ZNF777: variants seen among roughly 807,000 people sequenced by gnomAD.
The protein encoded by ZNF777 is zinc finger protein 777.
Under a neutral mutation model 72.1 loss-of-function variants are expected in ZNF777, and 7 were observed. That is an observed-to-expected ratio of 0.10 (90% CI 0.06 to 0.18). ZNF777 has a LOEUF of 0.18. Ranked by LOEUF, ZNF777 falls within the 10% of genes least tolerant of loss-of-function variation. ZNF777 has a pLI of 1.00. For missense variants in ZNF777, 828 were observed against 1,128.6 expected (o/e 0.73, Z 3.82); for synonymous variants, 545 against 483.5 (o/e 1.13, Z -1.67).
chr7:149,432,241 G>T lies in ZNF777; in HGVS notation c.2031C>A (p.Ile677=). 6.2e-7 allele frequency: 1 copy of T among 1,608,000 alleles called. No individual in the cohort carries two copies. The highest frequency in any genetic ancestry group is 8.5e-7 in the Non-Finnish European group (1 of 1,179,626). Reference sequence around the variant, plus strand: ...GCACGCGCTGATGGATCACCAAGCTGATGTGCAGGCGGAAGCTCTTCTTGC... The same window carrying T: ...GCACGCGCTGATGGATCACCAAGCTTATGTGCAGGCGGAAGCTCTTCTTGC... ...PECKKSFRLH[I]SLVIHQRVHA... is the part of the protein sequence containing the mutation. Residue 677 remains isoleucine (I), a synonymous_variant, in exon 6 of 6, where the codon ATC becomes ATA. Coordinates refer to ENST00000247930, the MANE Select transcript of ZNF777 (RefSeq NM_015694.3).
At chr7:149,452,632 CAAA>C (rs869183800) in intron 3 of ZNF777, among the ~76,000 whole-genome samples, 10 of 73,010 alleles carry the variant, frequency 1.4e-4, no homozygotes, top group African/African-American at 3.4e-4. Context: ...GACTCTGTCT[CAAA>C]AAAAAAAAAA....
rs943943588 is a variant in ZNF777 at position 149,453,602 on chromosome 7, C to T, written c.973+509G>A. Among the ~76,000 whole-genome samples, 5 of 152,166 alleles carry T rather than the reference C, an allele frequency of 3.3e-5. No homozygotes were observed. In the East Asian group the frequency reaches 7.7e-4, roughly 23 times the overall value. The stretch of plus-strand genomic sequence containing the variant: ...AGCATTTAACCTCCCTGATCACAGC[C>T]TCAGTGTTCAGGCACCTGAATCATC... On this transcript the variant is annotated intron_variant, in intron 3 of 5. Coordinates refer to ENST00000247930, the MANE Select transcript of ZNF777 (RefSeq NM_015694.3).
intron 4 of ZNF777, among the ~76,000 whole-genome samples, chr7:149,437,056 T>C (rs935618083): frequency 6.6e-6 from 1 of 152,160 alleles, no homozygotes; most frequent in Non-Finnish European, 1.5e-5. Context: ...CAAAGTTTGT[T>C]TTCCATGAGC....
At chr7:149,448,609 A>ATG (rs1202276183) in intron 4 of ZNF777, among the ~76,000 whole-genome samples, 27 of 134,636 alleles carry the variant, frequency 2.0e-4, no homozygotes, top group Non-Finnish European at 3.4e-4. Flanking sequence ...ATATATATAT[A>ATG]TAGTAAAGAA....
Position 149,432,284 on chromosome 7 carries a change from G to T in ZNF777, c.1988C>A (p.Pro663His). Residue 663 changes from proline (P) to histidine (H), a missense_variant, in exon 6 of 6, where the codon CCC (proline) becomes CAC (histidine). By Grantham distance (77) the Pro-to-His change is moderately conservative. Transcript: ENST00000247930. ...KHQITHTGER[P>H]YTCPECKKSF... Reference sequence around the variant, plus strand: ...CTTCTTGCACTCGGGGCACGTGTAGGGCCGCTCACCCGTGTGCGTGATCTG... The same window carrying T: ...CTTCTTGCACTCGGGGCACGTGTAGTGCCGCTCACCCGTGTGCGTGATCTG... The T allele has an allele frequency of 6.2e-7, 1 of 1,610,336 alleles. No homozygotes were observed. Among genetic ancestry groups the T allele is most frequent in the Non-Finnish European group, 8.5e-7 (1 of 1,179,944 alleles).
At chr7:149,458,089 G>A (rs1799867318) in intron 1 of ZNF777, among the ~76,000 whole-genome samples, 1 of 152,198 alleles carries the variant, frequency 6.6e-6, no homozygotes, top group African/African-American at 2.4e-5. Context: ...TGGGAGAGGT[G>A]GGGAGGAAGG....
At chr7:149,439,346 A>C (rs1183601702) in intron 4 of ZNF777, among the ~76,000 whole-genome samples, 2 of 152,164 alleles carry the variant, frequency 1.3e-5, no homozygotes, top group Non-Finnish European at 2.9e-5. Context: ...ACACCTTAAA[A>C]TGATTTTTAA....
intron 5 of ZNF777, among the ~76,000 whole-genome samples, chr7:149,433,462 CCT>C (rs1217985981): frequency 2.0e-5 from 3 of 152,200 alleles, no homozygotes; most frequent in African/African-American, 7.2e-5. Context: ...AGTCTTTGCC[CCT>C]CTGAGGACAT....
chr7:149,432,381 C>T lies in ZNF777; in HGVS notation c.1891G>A (p.Gly631Ser), dbSNP rs780455280. 10 of 1,612,944 alleles carry T rather than the reference C, an allele frequency of 6.2e-6. No homozygotes were observed. The highest frequency in any genetic ancestry group is 8.5e-6 in the Non-Finnish European group (10 of 1,179,864). Residue 631 changes from glycine to serine, a missense_variant, in exon 6 of 6, where the codon GGT becomes AGT. Gly to Ser is a moderately conservative substitution (Grantham distance 56). Coordinates refer to ENST00000247930, the MANE Select transcript of ZNF777 (RefSeq NM_015694.3). ...GGGCACTTGTAGGGCTTAGGGCCACCGCCGCCGCTACCAGAGCTGGGTGAC... is the reference window on the plus strand; with the variant it reads ...GGGCACTTGTAGGGCTTAGGGCCACTGCCGCCGCTACCAGAGCTGGGTGAC... ...PKSPSSGSGGGGPKPYKCPEC... is the reference protein window; with the variant it reads ...PKSPSSGSGGSGPKPYKCPEC...
At chr7:149,441,670 G>A (rs990625374) in intron 4 of ZNF777, among the ~76,000 whole-genome samples, 18 of 152,242 alleles carry the variant, frequency 1.2e-4, no homozygotes, top group African/African-American at 3.9e-4. Context: ...TGGGGTGGGG[G>A]AAATCCTATA....
rs1462976797 is a variant in ZNF777, at chr7:149,440,670, TTTG to T, written c.1088-3847_1088-3845del. ...ACCATGCCCAGCAGCCTGTTGTTTT[TTTG>T]TTTTTTTTTTTTTTTTTTTAAATAA... On this transcript the variant is annotated intron_variant, in intron 4 of 5. Coordinates refer to ENST00000247930, the MANE Select transcript of ZNF777 (RefSeq NM_015694.3). 6.7e-3 allele frequency among the ~76,000 whole-genome samples: 661 copies of T among 98,120 alleles called. 26 individuals are homozygous for T. Among genetic ancestry groups the T allele is most frequent in the African/African-American group, 0.028 (570 of 20,024 alleles). 64.4% of individuals were successfully genotyped at this position (98,120 alleles called of 152,430 possible). A position where few individuals can be genotyped will look rare whatever the true frequency, so the allele number is the denominator to read the frequency against.
chr7:149,448,593 A>ATAAC (rs1218394821), intron 4 of ZNF777, among the ~76,000 whole-genome samples: 170 of 104,730 alleles, frequency 1.6e-3, no homozygotes, highest in East Asian at 0.011. Flanking sequence ...ATATATATAT[A>ATAAC]TATATATATA....
chr7:149,446,345 C>T (rs1271893263), intron 4 of ZNF777, among the ~76,000 whole-genome samples: 2 of 151,872 alleles, frequency 1.3e-5, no homozygotes. Flanking sequence ...CATTGCACTC[C>T]GGCCTGGCAA....
intron 3 of ZNF777, among the ~76,000 whole-genome samples, chr7:149,451,864 G>A (rs1363995171): frequency 1.3e-5 from 2 of 152,154 alleles, no homozygotes; most frequent in Non-Finnish European, 2.9e-5. Context: ...ATGGCAAAGG[G>A]TTAATATCCA....
chr7:149,436,872 T>A lies in ZNF777; in HGVS notation c.1088-46A>T. On this transcript the variant is annotated intron_variant, in intron 4 of 5. Coordinates refer to ENST00000247930, the MANE Select transcript of ZNF777 (RefSeq NM_015694.3). The surrounding 1 kb of genome is among the most constrained non-coding windows in gnomAD (Gnocchi z 5.0). ...GTGAGGAGGAGAAAAGAACCCAGAA[T>A]GTTCATGCCAACTGCCCAGGTTTCT... is the stretch of plus-strand genomic sequence containing the variant. 1 of 1,579,602 alleles carries A rather than the reference T, an allele frequency of 6.3e-7. No individual in the cohort carries two copies. The highest frequency in any genetic ancestry group is 8.6e-7 in the Non-Finnish European group (1 of 1,156,524).
chr7:149,454,400 C>T (rs1161864698), intron 2 of ZNF777, among the ~76,000 whole-genome samples, 163 bp from the exon 3 acceptor site: 6 of 152,184 alleles, frequency 3.9e-5, no homozygotes, highest in South Asian at 2.1e-4. Flanking sequence ...CCTGTCTTGT[C>T]GGATCCTTTT....
intron 4 of ZNF777, among the ~76,000 whole-genome samples, chr7:149,449,892 T>G (rs1157059977): frequency 1.3e-5 from 2 of 152,200 alleles, no homozygotes; most frequent in African/African-American, 4.8e-5. Context: ...CCAGCACTTG[T>G]ATTTTTACAG....
chr7:149,436,658 T>C lies in ZNF777; in HGVS notation c.1256A>G (p.Glu419Gly). The stretch of plus-strand genomic sequence containing the variant: ...TTCCGTGGACTCCTCCAGCGTGTTC[T>C]CTGGCTCCTGCATGTCCAGGTCTGG... Reference protein sequence around the residue: ...EQPDLDMQEPENTLEESTEGS... With the variant: ...EQPDLDMQEPGNTLEESTEGS... Residue 419 changes from glutamate (E) to glycine (G), a missense_variant, in exon 5 of 6, where the codon GAG (glutamate) becomes GGG (glycine). Glu to Gly is a moderately conservative substitution (Grantham distance 98). This residue lies in a region of ZNF777 where 219 missense variants were observed against 223.0 expected (regional missense o/e 0.98). Transcript: ENST00000247930. The surrounding 1 kb of genome is among the most constrained non-coding windows in gnomAD (Gnocchi z 5.0). 3 of 1,614,136 alleles carry C rather than the reference T, an allele frequency of 1.9e-6. No homozygotes were observed. Among genetic ancestry groups the C allele is most frequent in the Non-Finnish European group, 2.5e-6 (3 of 1,180,030 alleles).
intron 3 of ZNF777, among the ~76,000 whole-genome samples, chr7:149,453,856 C>G (rs914814774): frequency 6.6e-6 from 1 of 152,240 alleles, no homozygotes; most frequent in African/African-American, 2.4e-5. Context: ...CCACTGATGT[C>G]TAGGTCTTTC....
Sources: gnomAD v4.1 joint callset for allele counts (sites outside exome capture counted in the v4.1 genomes callset) on GRCh38, gnomAD v4.1.1 for gene constraint, gnomAD v4.1.1 regional missense constraint, Gnocchi (gnomAD v3.1) non-coding constraint, MANE v1.5 for transcripts, NCBI Gene and HGNC (gene_info 2026-07-23, HGNC 2026-07-21) for gene names.